Variants in TECR observed in about 807,000 individuals in gnomAD.
The protein encoded by TECR is trans-2,3-enoyl-CoA reductase.
Under a neutral mutation model 50.6 loss-of-function variants are expected in TECR, and 19 were observed. The observed-to-expected ratio is 0.38, with a 90% CI of 0.26 to 0.55. The LOEUF is 0.55. Among genes scored for constraint, TECR ranks in the 20% least tolerant of loss-of-function variants. The pLI is 0.79. For missense variants in TECR, 313 were observed against 408.3 expected (o/e 0.77, Z 2.01); for synonymous variants, 168 against 163.5 (o/e 1.03, Z -0.21).
chr19:14,539,876 CTTTCT>C (rs1599428425), intron 1 of TECR, among the ~76,000 whole-genome samples: 4 of 91,080 alleles, frequency 4.4e-5, no homozygotes, highest in African/African-American at 1.8e-4. Context: ...GTTGTGTTTT[CTTTCT>C]TTTTTTTTTT....
At chr19:14,562,289 C>G in intron 1 of TECR, 1 of 627,380 alleles carries the variant, frequency 1.6e-6, no homozygotes, top group South Asian at 1.9e-5. Context: ...CTTGCCCGGC[C>G]CAGGGCTGCT....
rs79499193 is a variant in TECR, at chr19:14,550,111, G to A, written c.16-12414G>A. The stretch of plus-strand genomic sequence containing the variant: ...CTTTGCCAAGATGTGAGTTCCATGC[G>A]AGCAGGGATTTTTGTCTCTCCTTCT... On this transcript the variant is annotated intron_variant, in intron 1 of 12. Coordinates refer to ENST00000215567, the MANE Select transcript of TECR (RefSeq NM_138501.6). Among the ~76,000 whole-genome samples the A allele has an allele frequency of 8.0e-4, 121 of 152,010 alleles. 4 individuals are homozygous for A. In the South Asian group the frequency reaches 0.014, roughly 17 times the overall value.
intron 1 of TECR, among the ~76,000 whole-genome samples, chr19:14,554,888 C>G (rs1383039668): frequency 2.0e-5 from 3 of 151,992 alleles, no homozygotes; most frequent in Non-Finnish European, 4.4e-5. Context: ...AATCGATTCT[C>G]TTGCCTCAGC....
chr19:14,544,425 A>G (rs925987627), intron 1 of TECR, among the ~76,000 whole-genome samples: 2 of 151,978 alleles, frequency 1.3e-5, no homozygotes, highest in African/African-American at 4.8e-5. Context: ...GTTCAGCCGC[A>G]TAATTGATGC....
At chr19:14,550,954 G>T (rs941442109) in intron 1 of TECR, among the ~76,000 whole-genome samples, 4 of 151,858 alleles carry the variant, frequency 2.6e-5, no homozygotes, top group African/African-American at 4.8e-5. Flanking sequence ...TTACAGGCAT[G>T]AACTACCACA....
chr19:14,542,904 C>T lies in TECR; in HGVS notation c.15+13193C>T, dbSNP rs143945164. 2.1e-3 allele frequency among the ~76,000 whole-genome samples: 320 copies of T among 152,098 alleles called. 1 individual carries two copies. The highest frequency in any genetic ancestry group is 6.9e-3 in the Middle Eastern group (2 of 290). ...CCTCTGTCCCTGCTCGAATCAGGCT[C>T]TTACGTAAGCAGAGCCCACCAGCCA... On this transcript the variant is annotated intron_variant, in intron 1 of 12. Coordinates refer to ENST00000215567, the MANE Select transcript of TECR (RefSeq NM_138501.6).
Position 14,563,302 on chromosome 19 carries a change from C to T in TECR, c.118+45C>T, listed in dbSNP as rs745903458. On this transcript the variant is annotated intron_variant, in intron 3 of 12. Transcript: ENST00000215567. The surrounding 1 kb of genome is among the most constrained non-coding windows in gnomAD (Gnocchi z 5.3). ...ACACTGCCCCTGCAACCCCTTTGAC[C>T]AGGGACCTTAGGGTGGGAGGGATCC... 6.4e-7 allele frequency: 1 copy of T among 1,555,474 alleles called. No individual in the cohort carries two copies. Among genetic ancestry groups the T allele is most frequent in the Non-Finnish European group, 8.9e-7 (1 of 1,127,954 alleles).
At chr19:14,564,602 A>T (rs1198281938) in intron 7 of TECR, 184 bp from the exon 8 acceptor site, 2 of 174,288 alleles carry the variant, frequency 1.1e-5, no homozygotes, top group Non-Finnish European at 2.2e-5. Flanking sequence ...CCTCCTGTCC[A>T]CCACGCCCTC....
intron 1 of TECR, among the ~76,000 whole-genome samples, chr19:14,550,068 A>G (rs772059715): frequency 2.6e-5 from 4 of 151,858 alleles, no homozygotes; most frequent in Non-Finnish European, 2.9e-5. Context: ...ATAGCGATTT[A>G]TTTCATTGTC....
At chr19:14,551,963 C>T (rs1403332574) in intron 1 of TECR, among the ~76,000 whole-genome samples, 106 of 121,572 alleles carry the variant, frequency 8.7e-4, no homozygotes, top group African/African-American at 3.1e-3. Context: ...CTCTCTCTCT[C>T]TCTCTCTCTT....
chr19:14,527,758 A>C (rs2072458847), upstream of TECR: 1 of 152,272 alleles, frequency 6.6e-6, no homozygotes, highest in Admixed American at 6.5e-5. Context: ...CTCTCATGAC[A>C]GGCCTGTGAA....
intron 1 of TECR, chr19:14,534,053 G>GC (rs1474339759): frequency 6.6e-6 from 1 of 151,984 alleles, no homozygotes; most frequent in Non-Finnish European, 1.5e-5. Context: ...CCAGGTCACT[G>GC]CCCATTTCCC....
At chr19:14,537,838 C>A (rs952559293) in intron 1 of TECR, among the ~76,000 whole-genome samples, 1 of 151,484 alleles carries the variant, frequency 6.6e-6, no homozygotes, top group Non-Finnish European at 1.5e-5. Flanking sequence ...CTCCGCCTCC[C>A]GGGTTCAGGC....
intron 1 of TECR, among the ~76,000 whole-genome samples, chr19:14,553,937 C>T (rs1331535709): frequency 6.6e-6 from 1 of 152,182 alleles, no homozygotes; most frequent in African/African-American, 2.4e-5. Flanking sequence ...GCACCCCCAG[C>T]CAGGCCTCTT....
At chr19:14,561,421 G>A (rs1460539188) in intron 1 of TECR, among the ~76,000 whole-genome samples, 4 of 152,130 alleles carry the variant, frequency 2.6e-5, no homozygotes, top group Non-Finnish European at 5.9e-5. Flanking sequence ...ATCCCCGGGG[G>A]CTGCCTCCCT....
In TECR at chr19:14,553,275, C is replaced by T. The variant is rs745591613; in HGVS notation, c.16-9250C>T. The stretch of plus-strand genomic sequence containing the variant: ...CTGCCTCTGCACCTGGCCCTGGCCT[C>T]GGATCCGAGAGCCCAGAGACATTGG... On this transcript the variant is annotated intron_variant, in intron 1 of 12. Coordinates refer to ENST00000215567, the MANE Select transcript of TECR (RefSeq NM_138501.6). 9.2e-5 allele frequency among the ~76,000 whole-genome samples: 14 copies of T among 152,186 alleles called. No individual in the cohort carries two copies. The East Asian group carries it at 1.2e-3, about 13-fold the overall frequency.
chr19:14,540,588 C>T (rs1015697649), intron 1 of TECR, among the ~76,000 whole-genome samples: 1 of 151,928 alleles, frequency 6.6e-6, no homozygotes, highest in Non-Finnish European at 1.5e-5. Flanking sequence ...GACAGGGTTT[C>T]ATTGTGTTGG....
At chr19:14,557,286 A>G (rs2073763859) in intron 1 of TECR, among the ~76,000 whole-genome samples, 1 of 151,412 alleles carries the variant, frequency 6.6e-6, no homozygotes, top group South Asian at 2.1e-4. Flanking sequence ...GATTACAGGC[A>G]CACACCACCA....
At chr19:14,538,765 T>G (rs1424557104) in intron 1 of TECR, among the ~76,000 whole-genome samples, 3 of 151,450 alleles carry the variant, frequency 2.0e-5, no homozygotes, top group Non-Finnish European at 4.4e-5. Context: ...ACTCCTGACC[T>G]CGTGATCCAC....
Sources: allele counts gnomAD v4.1 joint callset (sites outside exome capture counted in the v4.1 genomes callset), GRCh38; gene constraint gnomAD v4.1.1; non-coding constraint Gnocchi (gnomAD v3.1); transcripts MANE v1.5; gene names NCBI Gene and HGNC (gene_info 2026-07-23, HGNC 2026-07-21).